CSMD1: variants seen among roughly 807,000 people sequenced by gnomAD.
CSMD1 encodes the protein CUB and Sushi multiple domains 1, also known as CUB and sushi domain-containing protein 1.
Under a neutral mutation model 417.5 loss-of-function variants are expected in CSMD1, and 213 were observed. That is an observed-to-expected ratio of 0.51 (90% CI 0.46 to 0.57). The LOEUF (loss-of-function observed/expected upper bound fraction) is 0.57, where lower values mean the gene tolerates loss of function less well. Ranked by LOEUF, CSMD1 falls within the 20% of genes least tolerant of loss-of-function variation. The pLI is 0.00. For synonymous variants in CSMD1, 2,862 were observed against 1,736.8 expected (o/e 1.65, Z -16.11); for missense variants, 6,923 against 4,529.7 (o/e 1.53, Z -15.17).
chr8:4,260,181 T>A (rs1230068463), intron 3 of CSMD1, among the ~76,000 whole-genome samples: 1 of 152,202 alleles, frequency 6.6e-6, no homozygotes, highest in African/African-American at 2.4e-5. Context: ...CTTGCAAGTA[T>A]TGATTATTAT....
At chr8:4,801,717 C>T (rs898573977) in intron 1 of CSMD1, among the ~76,000 whole-genome samples, 3 of 151,868 alleles carry the variant, frequency 2.0e-5, no homozygotes, top group Non-Finnish European at 4.4e-5. Context: ...AAACTACCCA[C>T]CACCCCACAT....
At chr8:3,419,483 T>C (rs1441551530) in intron 12 of CSMD1, among the ~76,000 whole-genome samples, 2 of 152,176 alleles carry the variant, frequency 1.3e-5, no homozygotes, top group African/African-American at 2.4e-5. Flanking sequence ...AATAAGCATA[T>C]ACACTGATTT....
At chr8:4,351,949 A>T (rs1342174504) in intron 3 of CSMD1, among the ~76,000 whole-genome samples, 10 of 141,702 alleles carry the variant, frequency 7.1e-5, no homozygotes, top group East Asian at 4.2e-4. Flanking sequence ...CCTTTATGCT[A>T]TTTTTTTTTT....
intron 1 of CSMD1, among the ~76,000 whole-genome samples, chr8:4,840,679 A>G (rs1174984861): frequency 6.6e-6 from 1 of 152,216 alleles, no homozygotes; most frequent in Non-Finnish European, 1.5e-5. Context: ...GGTGCCTGTT[A>G]TTACTCAGTG....
chr8:4,837,717 TC>T (rs1443823979), intron 1 of CSMD1, among the ~76,000 whole-genome samples: 2 of 152,082 alleles, frequency 1.3e-5, no homozygotes, highest in East Asian at 3.9e-4. Flanking sequence ...GTGACTATAG[TC>T]AGTAATAACC....
chr8:4,456,289 G>A (rs1000707975), intron 2 of CSMD1, among the ~76,000 whole-genome samples: 1 of 152,086 alleles, frequency 6.6e-6, no homozygotes, highest in African/African-American at 2.4e-5. Flanking sequence ...TCTAAAAGCT[G>A]AAGACAATTT....
At chr8:4,012,473 T>C (rs1816620428) in intron 4 of CSMD1, among the ~76,000 whole-genome samples, 1 of 152,186 alleles carries the variant, frequency 6.6e-6, no homozygotes, top group Non-Finnish European at 1.5e-5. Flanking sequence ...GCAGGTTTGT[T>C]ACTTGCATAA....
chr8:4,197,635 T>C (rs954011920), intron 3 of CSMD1, among the ~76,000 whole-genome samples: 1 of 152,168 alleles, frequency 6.6e-6, no homozygotes, highest in African/African-American at 2.4e-5. Context: ...TCCCAGCATT[T>C]TGGGAGGCCG....
intron 1 of CSMD1, among the ~76,000 whole-genome samples, chr8:4,705,613 T>A (rs1312678754): frequency 6.6e-6 from 1 of 152,256 alleles, no homozygotes; most frequent in East Asian, 1.9e-4. Flanking sequence ...TTGACTCATC[T>A]TATATTCTGA....
intron 26 of CSMD1, among the ~76,000 whole-genome samples, chr8:3,282,923 T>C (rs1162119844): frequency 6.6e-6 from 1 of 152,212 alleles, no homozygotes; most frequent in African/African-American, 2.4e-5. Context: ...ACTTGTTTTA[T>C]GATGATGGCT....
chr8:4,203,259 G>A (rs910860804), intron 3 of CSMD1, among the ~76,000 whole-genome samples: 3 of 152,172 alleles, frequency 2.0e-5, no homozygotes, highest in Non-Finnish European at 4.4e-5. Flanking sequence ...GCAGCCTGCA[G>A]AAGACTGCCC....
chr8:3,336,507 C>G (rs891184158), intron 23 of CSMD1, among the ~76,000 whole-genome samples: 1 of 152,206 alleles, frequency 6.6e-6, no homozygotes, highest in African/African-American at 2.4e-5. Flanking sequence ...GTCCCTGCTT[C>G]ACAGATAAAA....
chr8:3,202,253 C>A (rs988541566), intron 31 of CSMD1, among the ~76,000 whole-genome samples: 1 of 152,190 alleles, frequency 6.6e-6, no homozygotes, highest in Non-Finnish European at 1.5e-5. Flanking sequence ...AGCAAAGGAT[C>A]AAACCCCATG....
intron 54 of CSMD1, among the ~76,000 whole-genome samples, chr8:2,990,774 C>T (rs945985217): frequency 1.3e-5 from 2 of 152,018 alleles, no homozygotes; most frequent in Admixed American, 6.6e-5. Flanking sequence ...GATGATAATC[C>T]CCATGTATTT....
chr8:3,502,150 G>T (rs141625509), intron 10 of CSMD1, among the ~76,000 whole-genome samples: 6 of 151,966 alleles, frequency 3.9e-5, no homozygotes, highest in African/African-American at 1.5e-4. Context: ...AGATCACGAG[G>T]TCAGGAGATC....
In CSMD1 at chr8:3,858,044, T is replaced by C. The variant is rs567795801; in HGVS notation, c.819-104002A>G. 6.0e-4 allele frequency among the ~76,000 whole-genome samples: 92 copies of C among 152,348 alleles called. 1 individual carries two copies. The highest frequency in any genetic ancestry group is 1.1e-3 in the Non-Finnish European group (76 of 68,028). On this transcript the variant is annotated intron_variant, in intron 5 of 69. Transcript: ENST00000635120. ...GTGTTCTTGGAAAAATTAGTGATTA[T>C]GTGTTGATGGTTGTGTCTGTAAAGA...
At chr8:4,635,192 C>A (rs1802750623) in intron 2 of CSMD1, among the ~76,000 whole-genome samples, 1 of 152,000 alleles carries the variant, frequency 6.6e-6, no homozygotes, top group African/African-American at 2.4e-5. Context: ...TAAACATAAC[C>A]CAGCAAGTAA....
At chr8:3,822,703 C>T (rs1251691257) in intron 5 of CSMD1, among the ~76,000 whole-genome samples, 1 of 152,140 alleles carries the variant, frequency 6.6e-6, no homozygotes, top group Admixed American at 6.5e-5. Context: ...TCCTCCTGGG[C>T]AGGTGACACC....
chr8:4,274,069 T>C (rs1804769353), intron 3 of CSMD1, among the ~76,000 whole-genome samples: 1 of 152,208 alleles, frequency 6.6e-6, no homozygotes, highest in African/African-American at 2.4e-5. Context: ...TGTGACTTTA[T>C]TGTAATATAT....
Sources: allele counts gnomAD v4.1 joint callset (sites outside exome capture counted in the v4.1 genomes callset), GRCh38; gene constraint gnomAD v4.1.1; transcripts MANE v1.5; gene names NCBI Gene and HGNC (gene_info 2026-07-23, HGNC 2026-07-21).